ADGRV1: variants seen among roughly 807,000 people sequenced by gnomAD.
ADGRV1 encodes the protein adhesion G protein-coupled receptor V1, also known as G-protein coupled receptor 98.
Under a neutral mutation model 596.2 loss-of-function variants are expected in ADGRV1, and 359 were observed. The observed-to-expected ratio is 0.60, with a 90% confidence interval of 0.55 to 0.66. ADGRV1 has a LOEUF of 0.66. ADGRV1 is among the 30% of genes least tolerant of loss of function. The pLI, the probability that ADGRV1 is intolerant of heterozygous loss-of-function variation, is 0.00. For synonymous variants in ADGRV1, 2,681 were observed against 2,679.2 expected, an observed-to-expected ratio of 1.00 and a Z score of -0.02; for missense variants, 7,274 against 7,575.6, an observed-to-expected ratio of 0.96 and a Z score of 1.48.
At chr5:90,790,145 C>T (rs1759906556) in intron 69 of ADGRV1, among the ~76,000 whole-genome samples, 1 of 152,148 alleles carries the variant, frequency 6.6e-6, no homozygotes, top group Non-Finnish European at 1.5e-5. Context: ...AATGTGAAGG[C>T]TTTCCTACTT....
intron 1 of ADGRV1, among the ~76,000 whole-genome samples, chr5:90,613,178 C>T (rs1339280068): frequency 6.6e-6 from 1 of 152,048 alleles, no homozygotes; most frequent in Non-Finnish European, 1.5e-5. Context: ...GTCTCCTGTT[C>T]AAGGACTGTA....
chr5:90,737,351 A>G (rs1291474284), intron 50 of ADGRV1, among the ~76,000 whole-genome samples: 1 of 152,000 alleles, frequency 6.6e-6, no homozygotes, highest in Non-Finnish European at 1.5e-5. Context: ...GTGGCCTAAC[A>G]TATAGTCTAT....
At position 90,628,608 on chromosome 5, in the gene ADGRV1, GTC is replaced by G. The variant is rs1279990674; in HGVS notation, c.1289_1290del (p.Ser430CysfsTer11). The G allele has an allele frequency of 1.9e-6, 3 of 1,613,746 alleles. No individual in the cohort carries two copies. The highest frequency in any genetic ancestry group is 2.5e-6 in the Non-Finnish European group (3 of 1,179,750). On this transcript the variant is annotated frameshift_variant, in exon 8 of 90. Coordinates refer to ENST00000405460, the MANE Select transcript of ADGRV1 (RefSeq NM_032119.4). LOFTEE classifies it high-confidence loss of function. ...TAGAAATGGAGGAACCCATGGGAAT[GTC>G]TCTGCGAATTGGGTGTTGACACGGA... Reference protein sequence around the residue: ...VVRNGGTHGNVSANWVLTRNS... With the variant: ...VVRNGGTHGNXSANWVLTRNS...
chr5:90,998,138 A>G (rs559696845), intron 85 of ADGRV1, among the ~76,000 whole-genome samples: 2 of 152,310 alleles, frequency 1.3e-5, no homozygotes, highest in South Asian at 4.1e-4. Context: ...GATTGCAAGC[A>G]CTAAATTCTT....
At chr5:90,585,709 G>C (rs1376747696) in intron 1 of ADGRV1, among the ~76,000 whole-genome samples, 1 of 152,226 alleles carries the variant, frequency 6.6e-6, no homozygotes, top group African/African-American at 2.4e-5. Flanking sequence ...ATCTAGATTA[G>C]TCAGCTGAAA....
At chr5:90,893,381 C>T (rs930634056) in intron 83 of ADGRV1, among the ~76,000 whole-genome samples, 1 of 152,088 alleles carries the variant, frequency 6.6e-6, no homozygotes, top group African/African-American at 2.4e-5. Context: ...AGTCATGTGC[C>T]ATCTCTTCTC....
chr5:90,805,220 C>T, intron 71 of ADGRV1, 64 bp from the exon 72 acceptor site: 1 of 1,409,798 alleles, frequency 7.1e-7, no homozygotes, highest in Non-Finnish European at 9.8e-7. Context: ...ACGTTTAACC[C>T]ATTCCTCAGA....
chr5:90,799,599 A>C (rs1020964993), intron 70 of ADGRV1, among the ~76,000 whole-genome samples: 1 of 152,180 alleles, frequency 6.6e-6, no homozygotes, highest in African/African-American at 2.4e-5. Context: ...ATATGGAACC[A>C]AAAAAGAGCC....
At chr5:91,037,858 T>C (rs943226142) in intron 85 of ADGRV1, among the ~76,000 whole-genome samples, 4 of 152,056 alleles carry the variant, frequency 2.6e-5, no homozygotes, top group Admixed American at 2.0e-4. Flanking sequence ...CAACATGACA[T>C]CACAAGTGGA....
At chr5:91,055,062 T>C (rs1360867728) in intron 85 of ADGRV1, among the ~76,000 whole-genome samples, 1 of 152,194 alleles carries the variant, frequency 6.6e-6, no homozygotes, top group Non-Finnish European at 1.5e-5. Context: ...TAAACACATA[T>C]TATAAAAAGG....
intron 84 of ADGRV1, among the ~76,000 whole-genome samples, chr5:90,978,547 A>T (rs1458231492): frequency 1.3e-5 from 2 of 152,108 alleles, no homozygotes; most frequent in African/African-American, 4.8e-5. Flanking sequence ...ACAAAAATTT[A>T]CTGTATATTT....
chr5:91,018,728 A>G (rs982275518), intron 85 of ADGRV1, among the ~76,000 whole-genome samples: 1 of 152,014 alleles, frequency 6.6e-6, no homozygotes, highest in African/African-American at 2.4e-5. Flanking sequence ...TTCAATAAAT[A>G]AATATCCCTA....
intron 85 of ADGRV1, among the ~76,000 whole-genome samples, chr5:90,987,700 T>G (rs576072059): frequency 6.6e-6 from 1 of 152,174 alleles, no homozygotes; most frequent in South Asian, 2.1e-4. Context: ...ATGCCATTTC[T>G]CTAGAGGTCA....
intron 6 of ADGRV1, chr5:90,625,536 C>T (rs775220602): frequency 1.8e-5 from 4 of 220,198 alleles, no homozygotes; most frequent in African/African-American, 4.5e-5. Flanking sequence ...CAATACTAAC[C>T]TAGAATAAAT....
At chr5:90,629,013 A>T in intron 8 of ADGRV1, 181 bp downstream of exon 8, 1 of 694,854 alleles carries the variant, frequency 1.4e-6, no homozygotes, top group East Asian at 2.8e-5. Flanking sequence ...CCCTCTAAAA[A>T]ATTCCACAAA....
chr5:90,644,689 A>G lies in ADGRV1; in HGVS notation c.2735-17A>G. 6.3e-7 allele frequency: 1 copy of G among 1,593,540 alleles called. No homozygotes were observed. The highest frequency in any genetic ancestry group is 8.5e-7 in the Non-Finnish European group (1 of 1,171,758). The stretch of plus-strand genomic sequence containing the variant: ...TCGTATGTCTTCATATGTATTATGT[A>G]TGTTTCCATTTCACAGCTGTTTATG... On this transcript the variant is annotated splice_polypyrimidine_tract_variant and intron_variant, in intron 14 of 89. Coordinates refer to ENST00000405460, the MANE Select transcript of ADGRV1 (RefSeq NM_032119.4).
intron 48 of ADGRV1, among the ~76,000 whole-genome samples, chr5:90,728,009 C>T (rs1752030485): frequency 6.6e-6 from 1 of 152,100 alleles, no homozygotes; most frequent in African/African-American, 2.4e-5. Flanking sequence ...TTCTTGTTTA[C>T]CTTTTCCTAA....
chr5:90,976,320 GTGTA>G lies in ADGRV1; in HGVS notation c.17974-9022_17974-9019del, dbSNP rs1355045499. 4.8e-3 allele frequency among the ~76,000 whole-genome samples: 534 copies of G among 110,362 alleles called. 1 individual carries two copies. Among genetic ancestry groups the G allele is most frequent in the Middle Eastern group, 0.029 (6 of 208 alleles). 72.4% of individuals were successfully genotyped at this position (110,362 alleles called of 152,430 possible). A position where few individuals can be genotyped will look rare whatever the true frequency, so the allele number is the denominator to read the frequency against. Reference sequence around the variant, plus strand: ...TATATGTGTGTGTGTGTGTGTGTGTGTGTATATATATATATATATATATATATAT... The same window carrying G: ...TATATGTGTGTGTGTGTGTGTGTGTGTATATATATATATATATATATATAT... On this transcript the variant is annotated intron_variant, in intron 84 of 89. Coordinates refer to ENST00000405460, the MANE Select transcript of ADGRV1 (RefSeq NM_032119.4).
chr5:90,655,723 T>C (rs1210706604), intron 20 of ADGRV1: 1 of 152,186 alleles, frequency 6.6e-6, no homozygotes, highest in Non-Finnish European at 1.5e-5. Context: ...TACTTTTGGT[T>C]TGTAGTGGCA....
Sources: gnomAD v4.1 joint callset for allele counts (sites outside exome capture counted in the v4.1 genomes callset) on GRCh38, gnomAD v4.1.1 for gene constraint, MANE v1.5 for transcripts, NCBI Gene and HGNC (gene_info 2026-07-23, HGNC 2026-07-21) for gene names.